Variants in DLG1 observed in about 807,000 individuals in gnomAD.
The protein encoded by DLG1 is discs large MAGUK scaffold protein 1, also known as disks large homolog 1.
In DLG1, 42 loss-of-function variants were observed where a neutral mutation model predicts 123.4. The observed-to-expected ratio is 0.34, with a 90% CI of 0.27 to 0.44. The LOEUF is 0.44. DLG1 is among the 20% of genes least tolerant of loss of function. The probability of loss-of-function intolerance (pLI) is 1.00; values close to 1 mark genes in which losing one functional copy is unlikely to be tolerated. For missense variants in DLG1, 942 were observed against 1,082.6 expected, an observed-to-expected ratio of 0.87 and a Z score of 1.82; for synonymous variants, 317 against 356.2, an observed-to-expected ratio of 0.89 and a Z score of 1.24.
At chr3:197,196,171 C>CAAAAAAAAAAAAAAA (rs71162001) in intron 4 of DLG1, among the ~76,000 whole-genome samples, 2 of 88,714 alleles carry the variant, frequency 2.3e-5, no homozygotes, top group Non-Finnish European at 4.2e-5. Context: ...AAATGCACAC[C>CAAAAAAAAAAAAAAA]AAAAAAAAAA....
chr3:197,255,718 T>C (rs1416221048), intron 4 of DLG1, among the ~76,000 whole-genome samples: 1 of 151,880 alleles, frequency 6.6e-6, no homozygotes, highest in Non-Finnish European at 1.5e-5. Context: ...ATTAATCATA[T>C]ATACTGCATG....
chr3:197,235,152 C>A (rs1019468384), intron 4 of DLG1, among the ~76,000 whole-genome samples: 1 of 152,114 alleles, frequency 6.6e-6, no homozygotes, highest in Non-Finnish European at 1.5e-5. Context: ...GCTCTACGAT[C>A]TTCCTGGCTT....
chr3:197,170,421 CTTG>C lies in DLG1; in HGVS notation c.484-20628_484-20626del, dbSNP rs200013490. Among the ~76,000 whole-genome samples, 13 of 152,094 alleles carry C rather than the reference CTTG, an allele frequency of 8.5e-5. No individual in the cohort carries two copies. In the East Asian group the frequency reaches 2.5e-3, roughly 29 times the overall value. On this transcript the variant is annotated intron_variant, in intron 5 of 24. Transcript: ENST00000667157. ...TTTCTCCACAAACTTGCCAGCATCT[CTTG>C]TTTTGATTTTTTTTAAAGTAGCCAT...
At chr3:197,232,565 C>A (rs1179612737) in intron 4 of DLG1, among the ~76,000 whole-genome samples, 1 of 151,922 alleles carries the variant, frequency 6.6e-6, no homozygotes, top group African/African-American at 2.4e-5. Context: ...AAACTCTGAC[C>A]TCTAACCTAC....
chr3:197,214,837 TCAATAAA>T (rs1308052768), intron 4 of DLG1, among the ~76,000 whole-genome samples: 1 of 152,066 alleles, frequency 6.6e-6, no homozygotes. Context: ...TTACAAATAC[TCAATAAA>T]CAATGAAAAG....
At chr3:197,087,419 G>T (rs949164723) in intron 15 of DLG1, among the ~76,000 whole-genome samples, 3 of 151,532 alleles carry the variant, frequency 2.0e-5, no homozygotes, top group Non-Finnish European at 2.9e-5. Flanking sequence ...GGTGGTGTGT[G>T]CCTGTAGTCC....
At chr3:197,069,010 T>C (rs914478455) in intron 19 of DLG1, among the ~76,000 whole-genome samples, 16 of 152,162 alleles carry the variant, frequency 1.1e-4, no homozygotes, top group East Asian at 7.7e-4. Context: ...CAAATAATAT[T>C]TTTATTTTAT....
chr3:197,187,398 AAAC>A (rs2150191051), intron 5 of DLG1, among the ~76,000 whole-genome samples: 1 of 152,304 alleles, frequency 6.6e-6, no homozygotes, highest in South Asian at 2.1e-4. Context: ...AATTTTTTAA[AAAC>A]TACTAAGAGC....
intron 4 of DLG1, among the ~76,000 whole-genome samples, chr3:197,242,475 T>C (rs1023357332): frequency 2.0e-5 from 3 of 151,996 alleles, no homozygotes; most frequent in African/African-American, 7.3e-5. Flanking sequence ...ACCCAACTGC[T>C]GGAGAATACA....
intron 4 of DLG1, among the ~76,000 whole-genome samples, chr3:197,198,401 C>T (rs1177828664): frequency 2.7e-5 from 4 of 146,464 alleles, no homozygotes; most frequent in Non-Finnish European, 3.0e-5. Flanking sequence ...GGCAGAGAAT[C>T]GTTTGAAGCC....
intron 7 of DLG1, 66 bp from the exon 8 acceptor site, chr3:197,140,330 T>A (rs1787337197): frequency 6.6e-7 from 1 of 1,526,660 alleles, no homozygotes; most frequent in Non-Finnish European, 9.0e-7. Flanking sequence ...TTCCTGTCAT[T>A]AAAGGACGCA....
intron 17 of DLG1, 94 bp from the exon 18 acceptor site, chr3:197,076,779 G>T: frequency 1.4e-6 from 1 of 735,122 alleles, no homozygotes; most frequent in Non-Finnish European, 2.4e-6. Context: ...TGACTCCTAT[G>T]ACCACAGTGT....
At chr3:197,176,593 T>C (rs996649491) in intron 5 of DLG1, among the ~76,000 whole-genome samples, 1 of 152,208 alleles carries the variant, frequency 6.6e-6, no homozygotes, top group Non-Finnish European at 1.5e-5. Context: ...TTTCACCTGG[T>C]AATATTCATT....
chr3:197,281,022 CTTTTT>C (rs34918314), intron 4 of DLG1, among the ~76,000 whole-genome samples: 7 of 133,568 alleles, frequency 5.2e-5, no homozygotes, highest in Admixed American at 7.4e-5. Context: ...TGTGGAGGCT[CTTTTT>C]TTTTTTTTTT....
At chr3:197,277,074 T>C (rs1236134595) in intron 4 of DLG1, among the ~76,000 whole-genome samples, 1 of 151,974 alleles carries the variant, frequency 6.6e-6, no homozygotes, top group Non-Finnish European at 1.5e-5. Flanking sequence ...GCATTTTTTG[T>C]AGAGATGGAG....
chr3:197,130,505 A>G (rs1781950659), intron 11 of DLG1, 22 bp downstream of exon 11: 2 of 1,540,314 alleles, frequency 1.3e-6, no homozygotes, highest in Non-Finnish European at 1.8e-6. Context: ...AAATTTAAGC[A>G]AACGTATGCT....
intron 6 of DLG1, among the ~76,000 whole-genome samples, chr3:197,146,119 A>G (rs767145696): frequency 7.9e-5 from 12 of 152,160 alleles, no homozygotes; most frequent in Non-Finnish European, 1.6e-4. Flanking sequence ...AGACCTCTAC[A>G]AAGAAAACTA....
chr3:197,244,718 A>T (rs1201379308), intron 4 of DLG1, among the ~76,000 whole-genome samples: 1 of 149,352 alleles, frequency 6.7e-6, no homozygotes, highest in Non-Finnish European at 1.5e-5. Context: ...TGTTGTTTGG[A>T]CTGCAGTCTT....
Position 197,044,486 on chromosome 3 carries a change from AAAAG to A in DLG1, c.*133_*136del, listed in dbSNP as rs372138405. 1,091 of 527,934 alleles carry A rather than the reference AAAAG, an allele frequency of 2.1e-3. 14 individuals carry two copies. Among genetic ancestry groups the A allele is most frequent in the African/African-American group, 0.02 (1,031 of 51,500 alleles). 32.7% of individuals were successfully genotyped at this position (527,934 alleles called of 1,614,324 possible). A position where few individuals can be genotyped will look rare whatever the true frequency, so the allele number is the denominator to read the frequency against. On this transcript the variant is annotated 3_prime_UTR_variant, in exon 25 of 25. Transcript: ENST00000667157. ...AACTTGAAGGAGACACTACATGTGA[AAAAG>A]AAGCTGCAGACCATGATGTGTGGGA...
Sources: gnomAD v4.1 joint callset for allele counts (sites outside exome capture counted in the v4.1 genomes callset) on GRCh38, gnomAD v4.1.1 for gene constraint, MANE v1.5 for transcripts, NCBI Gene and HGNC (gene_info 2026-07-23, HGNC 2026-07-21) for gene names.